Variants in PIP5K1B observed in about 807,000 individuals in gnomAD.
PIP5K1B encodes the protein phosphatidylinositol-4-phosphate 5-kinase type 1 beta.
Under a neutral mutation model 67.0 loss-of-function variants are expected in PIP5K1B, and 42 were observed. The observed-to-expected ratio is 0.63, with a 90% CI of 0.49 to 0.81. The LOEUF (loss-of-function observed/expected upper bound fraction) is 0.81, where lower values mean the gene tolerates loss of function less well. PIP5K1B is among the 30% of genes least tolerant of loss of function. The pLI, the probability that PIP5K1B is intolerant of heterozygous loss-of-function variation, is 0.00. For synonymous variants in PIP5K1B, 214 were observed against 231.4 expected, an observed-to-expected ratio of 0.92 and a Z score of 0.68; for missense variants, 459 against 646.3, an observed-to-expected ratio of 0.71 and a Z score of 3.14.
At chr9:68,746,548 C>T (rs571009258) in intron 2 of PIP5K1B, among the ~76,000 whole-genome samples, 1 of 152,276 alleles carries the variant, frequency 6.6e-6, no homozygotes, top group African/African-American at 2.4e-5. Context: ...TAGTTTGAGG[C>T]AAGTGGAGCA....
At chr9:68,839,211 A>T (rs1821785273) in intron 4 of PIP5K1B, among the ~76,000 whole-genome samples, 1 of 150,630 alleles carries the variant, frequency 6.6e-6, no homozygotes, top group African/African-American at 2.5e-5. Flanking sequence ...TTTTAATGTA[A>T]TTTCATGTTA....
chr9:68,851,796 G>A (rs1160726038), intron 4 of PIP5K1B, among the ~76,000 whole-genome samples: 2 of 152,220 alleles, frequency 1.3e-5, no homozygotes, highest in Non-Finnish European at 2.9e-5. Context: ...GGCCAAAACA[G>A]TAACTGGTCC....
chr9:68,977,979 T>C (rs1440315172), intron 14 of PIP5K1B, among the ~76,000 whole-genome samples: 1 of 152,176 alleles, frequency 6.6e-6, no homozygotes, highest in Non-Finnish European at 1.5e-5. Flanking sequence ...ATTATTAATA[T>C]ATATCTCCTC....
intron 2 of PIP5K1B, among the ~76,000 whole-genome samples, chr9:68,748,133 C>T (rs1458148815): frequency 2.6e-5 from 4 of 152,176 alleles, no homozygotes; most frequent in Non-Finnish European, 4.4e-5. Flanking sequence ...TAAAAGGAAT[C>T]GTACAATCTG....
At chr9:68,940,878 T>A in intron 14 of PIP5K1B, 88 bp downstream of exon 14, 1 of 1,208,676 alleles carries the variant, frequency 8.3e-7, no homozygotes, top group South Asian at 1.3e-5. Context: ...AGGACACGTC[T>A]CTAACAACCA....
chr9:68,721,784 G>A (rs749995787), intron 1 of PIP5K1B, among the ~76,000 whole-genome samples: 10 of 152,172 alleles, frequency 6.6e-5, no homozygotes, highest in Non-Finnish European at 1.3e-4. Flanking sequence ...ATGAGCTCTT[G>A]CCAGCAATTA....
At chr9:69,007,858 A>C (rs2133059870) in intron 15 of PIP5K1B, among the ~76,000 whole-genome samples, 1 of 151,766 alleles carries the variant, frequency 6.6e-6, no homozygotes, top group East Asian at 1.9e-4. Flanking sequence ...CTCCATCTAA[A>C]AAAAAAAAAA....
intron 5 of PIP5K1B, among the ~76,000 whole-genome samples, chr9:68,865,138 T>C (rs1823293559): frequency 6.6e-6 from 1 of 152,212 alleles, no homozygotes; most frequent in African/African-American, 2.4e-5. Flanking sequence ...ACTGGCCTTT[T>C]GAAGTCTGCT....
chr9:68,852,293 A>G (rs1222231322), intron 4 of PIP5K1B, among the ~76,000 whole-genome samples: 1 of 152,142 alleles, frequency 6.6e-6, no homozygotes, highest in East Asian at 1.9e-4. Context: ...GGGAAACCAT[A>G]AGGGGTAGTT....
At chr9:68,894,013 G>A (rs1349287545) in intron 7 of PIP5K1B, among the ~76,000 whole-genome samples, 2 of 151,932 alleles carry the variant, frequency 1.3e-5, no homozygotes, top group Admixed American at 1.3e-4. Context: ...TCATACCTTG[G>A]CAATTCGTTT....
intron 14 of PIP5K1B, chr9:68,941,008 T>G: frequency 1.5e-6 from 1 of 648,134 alleles, no homozygotes; most frequent in Non-Finnish European, 2.8e-6. Flanking sequence ...CATTATGTCA[T>G]GTAGAAATTA....
intron 2 of PIP5K1B, among the ~76,000 whole-genome samples, chr9:68,804,166 G>T (rs777847309): frequency 6.6e-6 from 1 of 152,140 alleles, no homozygotes; most frequent in Non-Finnish European, 1.5e-5. Flanking sequence ...AGGTGAAGAA[G>T]AGGTTTCAGG....
chr9:68,964,647 T>C (rs745794430), intron 14 of PIP5K1B, among the ~76,000 whole-genome samples: 3 of 152,208 alleles, frequency 2.0e-5, no homozygotes, highest in African/African-American at 4.8e-5. Context: ...GAAAGGATTG[T>C]TCTATATAAG....
chr9:68,862,582 A>C (rs1179942619), intron 4 of PIP5K1B, among the ~76,000 whole-genome samples: 3 of 152,130 alleles, frequency 2.0e-5, no homozygotes, highest in Non-Finnish European at 4.4e-5. Flanking sequence ...ACATGAGGCC[A>C]AGAGTTTGAG....
chr9:68,798,715 A>G (rs1328873538), intron 2 of PIP5K1B, among the ~76,000 whole-genome samples: 1 of 152,204 alleles, frequency 6.6e-6, no homozygotes, highest in Non-Finnish European at 1.5e-5. Flanking sequence ...TTCTAATGCC[A>G]TAAGAAGACA....
At chr9:68,800,917 G>A (rs994934257) in intron 2 of PIP5K1B, among the ~76,000 whole-genome samples, 2 of 152,150 alleles carry the variant, frequency 1.3e-5, no homozygotes, top group Admixed American at 6.5e-5. Context: ...GGAATACTTT[G>A]AGCAGTTGTC....
chr9:68,721,931 T>C (rs928996404), intron 1 of PIP5K1B, among the ~76,000 whole-genome samples: 1 of 152,160 alleles, frequency 6.6e-6, no homozygotes, highest in Non-Finnish European at 1.5e-5. Context: ...TTTAAGGAAA[T>C]GGCATCAGAT....
chr9:68,713,695 G>A (rs766385504), intron 1 of PIP5K1B, among the ~76,000 whole-genome samples: 7 of 152,134 alleles, frequency 4.6e-5, no homozygotes, highest in Non-Finnish European at 8.8e-5. Flanking sequence ...TGAATAGATT[G>A]GGTATCTAGG....
chr9:68,718,741 A>G (rs1827744627), intron 1 of PIP5K1B, among the ~76,000 whole-genome samples: 1 of 152,194 alleles, frequency 6.6e-6, no homozygotes. Flanking sequence ...AAAGTGATAG[A>G]TTTAGTATTC....
Sources: gnomAD v4.1 joint callset for allele counts (sites outside exome capture counted in the v4.1 genomes callset) on GRCh38, gnomAD v4.1.1 for gene constraint, MANE v1.5 for transcripts, NCBI Gene and HGNC (gene_info 2026-07-23, HGNC 2026-07-21) for gene names.